The following UBXN2B variants were observed in gnomAD, a reference collection of about 807,000 sequenced individuals.
UBXN2B encodes the protein UBX domain protein 2B.
UBXN2B carries 19 observed loss-of-function variants against 37.5 expected under a neutral mutation model. That is an observed-to-expected ratio of 0.51 (90% confidence interval 0.35 to 0.74). The LOEUF (loss-of-function observed/expected upper bound fraction) is 0.74. UBXN2B is among the 30% of genes least tolerant of loss of function. The pLI is 0.01. For missense variants in UBXN2B, 370 were observed against 393.2 expected (o/e 0.94, Z 0.50); for synonymous variants, 145 against 143.8 (o/e 1.01, Z -0.06).
intron 1 of UBXN2B, among the ~76,000 whole-genome samples, chr8:58,416,005 C>G (rs530778734): frequency 1.2e-4 from 17 of 147,162 alleles, no homozygotes; most frequent in Admixed American, 9.4e-4. Flanking sequence ...GCATTTTAAT[C>G]TGTTTTGTTA....
At chr8:58,433,057 C>G in intron 3 of UBXN2B, 103 bp from the exon 4 acceptor site, 1 of 905,108 alleles carries the variant, frequency 1.1e-6, no homozygotes, top group South Asian at 1.9e-5. Flanking sequence ...GTATGAGCCA[C>G]TTTGGCTAAT....
chr8:58,415,560 C>G (rs1300190940), intron 1 of UBXN2B, among the ~76,000 whole-genome samples: 1 of 151,988 alleles, frequency 6.6e-6, no homozygotes, highest in Non-Finnish European at 1.5e-5. Flanking sequence ...AACACTGATA[C>G]AATCATTACT....
At chr8:58,427,621 T>C (rs552289306) in intron 2 of UBXN2B, among the ~76,000 whole-genome samples, 5 of 152,210 alleles carry the variant, frequency 3.3e-5, no homozygotes, top group Non-Finnish European at 7.4e-5. Context: ...ACTTAAATGT[T>C]TTAAATTTGG....
intron 5 of UBXN2B, 139 bp from the exon 6 acceptor site, chr8:58,439,493 AT>A: frequency 1.0e-6 from 1 of 992,784 alleles, no homozygotes; most frequent in Non-Finnish European, 1.4e-6. Context: ...CTGATCAGTC[AT>A]TATGGAAATT....
intron 2 of UBXN2B, chr8:58,426,759 T>A (rs557371707): frequency 7.3e-4 from 466 of 639,894 alleles, no homozygotes; most frequent in Non-Finnish European, 1.2e-3. Flanking sequence ...CACGTTGGGC[T>A]GGCCCGAGGG....
intron 6 of UBXN2B, among the ~76,000 whole-genome samples, chr8:58,443,895 G>A (rs985200804): frequency 1.3e-5 from 2 of 152,174 alleles, no homozygotes; most frequent in African/African-American, 4.8e-5. Flanking sequence ...CCAGCTATCT[G>A]TCTGTGTGGT....
At chr8:58,446,402 G>A (rs1808669978) in intron 7 of UBXN2B, among the ~76,000 whole-genome samples, 2 of 152,044 alleles carry the variant, frequency 1.3e-5, no homozygotes, top group African/African-American at 4.8e-5. Context: ...ACCTTTTGGG[G>A]ACTTTATTCA....
At chr8:58,420,696 A>C (rs1807903627) in intron 2 of UBXN2B, among the ~76,000 whole-genome samples, 1 of 152,232 alleles carries the variant, frequency 6.6e-6, no homozygotes, top group African/African-American at 2.4e-5. Flanking sequence ...GAGGCTTAGG[A>C]TGAAAACTTG....
rs140047668 is a variant in UBXN2B, at chr8:58,422,208, C to T, written c.188+5255C>T. On this transcript the variant is annotated intron_variant, in intron 2 of 7. Transcript: ENST00000399598. ...TAAGGGAATACCTTTAGGCCACACC[C>T]GTGTTCTGAAGCAATTCAAAGTTCA... 2.9e-3 allele frequency among the ~76,000 whole-genome samples: 443 copies of T among 152,286 alleles called. 1 individual carries two copies. Among genetic ancestry groups the T allele is most frequent in the African/African-American group, 9.5e-3 (396 of 41,548 alleles).
At position 58,450,016 on chromosome 8, in the gene UBXN2B, A is replaced by G. The variant is rs915294622; in HGVS notation, c.*2465A>G. The G allele has an allele frequency of 9.2e-5, 14 of 152,208 alleles. No individual in the cohort carries two copies. The highest frequency in any genetic ancestry group is 2.9e-4 in the African/African-American group (12 of 41,454). 9.4% of individuals were successfully genotyped at this position (152,208 alleles called of 1,614,324 possible). On this transcript the variant is annotated 3_prime_UTR_variant, in exon 8 of 8. Transcript: ENST00000399598. ...TTTTCTGAAATAGCTGAGAGGATCT[A>G]TGATTCACACCCTTAATATCTTCAA... is the stretch of plus-strand genomic sequence containing the variant.
chr8:58,449,513 G>GGACATAAT lies in UBXN2B; in HGVS notation c.*1963_*1970dup, dbSNP rs1055515976. 6.6e-6 allele frequency: 1 copy of GGACATAAT among 152,068 alleles called. No individual in the cohort carries two copies. Among genetic ancestry groups the GGACATAAT allele is most frequent in the Admixed American group, 6.6e-5 (1 of 15,266 alleles). 9.4% of individuals were successfully genotyped at this position (152,068 alleles called of 1,614,324 possible). On this transcript the variant is annotated 3_prime_UTR_variant, in exon 8 of 8. Transcript: ENST00000399598. ...GGAGAGGATCTGTGTGTGATTTCTGGGACATAATTCCAACTGTGCACTTGT... is the reference window on the plus strand; with the variant it reads ...GGAGAGGATCTGTGTGTGATTTCTGGGACATAATGACATAATTCCAACTGTGCACTTGT...
intron 1 of UBXN2B, 80 bp from the exon 2 acceptor site, chr8:58,416,770 G>A (rs1378302664): frequency 2.6e-6 from 3 of 1,161,594 alleles, no homozygotes; most frequent in East Asian, 5.4e-5. Flanking sequence ...TTTTAAGTTA[G>A]TGTTCTATAC....
intron 2 of UBXN2B, among the ~76,000 whole-genome samples, chr8:58,417,813 TTC>T (rs1446927922): frequency 2.6e-5 from 4 of 152,292 alleles, no homozygotes; most frequent in East Asian, 3.9e-4. Flanking sequence ...CACGCATGTA[TTC>T]TCTCTCTCTT....
rs772095076 is a variant in UBXN2B, at chr8:58,411,402, G to C, written c.17G>C (p.Gly6Ala). The C allele has an allele frequency of 4.9e-5, 62 of 1,268,834 alleles. No individual in the cohort carries two copies. The highest frequency in any genetic ancestry group is 5.9e-5 in the Non-Finnish European group (59 of 1,002,480). 78.6% of individuals were successfully genotyped at this position (1,268,834 alleles called of 1,614,324 possible). Reference protein sequence around the residue: MAEGGGPEPGEQERRS... With the variant: MAEGGAPEPGEQERRS... ...CAGCGGAAGATGGCGGAGGGCGGAGGCCCTGAGCCCGGCGAGCAGGAGAGG... is the reference window on the plus strand; with the variant it reads ...CAGCGGAAGATGGCGGAGGGCGGAGCCCCTGAGCCCGGCGAGCAGGAGAGG... The change falls in exon 1 of 8, where the codon GGC becomes GCC. Residue 6 changes from glycine to alanine, a missense_variant. Coordinates refer to ENST00000399598, the MANE Select transcript of UBXN2B (RefSeq NM_001077619.2).
intron 2 of UBXN2B, among the ~76,000 whole-genome samples, chr8:58,423,038 G>GT (rs1256786001): frequency 6.6e-6 from 1 of 152,080 alleles, no homozygotes; most frequent in Non-Finnish European, 1.5e-5. Flanking sequence ...GACTTGTTTA[G>GT]TAAGTAGAGG....
In UBXN2B at chr8:58,427,048, C is replaced by A. The variant is rs191253221; in HGVS notation, c.189-3471C>A. 1.7e-3 allele frequency among the ~76,000 whole-genome samples: 266 copies of A among 152,274 alleles called. 1 individual carries two copies. Among genetic ancestry groups the A allele is most frequent in the African/African-American group, 5.9e-3 (243 of 41,536 alleles). On this transcript the variant is annotated intron_variant, in intron 2 of 7. Transcript: ENST00000399598. Reference sequence around the variant, plus strand: ...ATCCCTTGATAAATGTTAGCTATTACTATTCATTTAGGAAAATAGGACTGG... The same window carrying A: ...ATCCCTTGATAAATGTTAGCTATTAATATTCATTTAGGAAAATAGGACTGG...
intron 2 of UBXN2B, chr8:58,426,546 C>T: frequency 4.0e-6 from 3 of 747,318 alleles, no homozygotes; most frequent in South Asian, 1.3e-5. Context: ...AGCTCCATTT[C>T]TTCTAACAAA....
intron 1 of UBXN2B, 84 bp from the exon 2 acceptor site, chr8:58,416,766 G>C (rs1807794031): frequency 1.8e-6 from 2 of 1,132,858 alleles, no homozygotes; most frequent in Admixed American, 2.8e-5. Context: ...TCAATTTTAA[G>C]TTAGTGTTCT....
chr8:58,430,565 C>A lies in UBXN2B; in HGVS notation c.235C>A (p.Pro79Thr). The A allele has an allele frequency of 6.2e-7, 1 of 1,605,368 alleles. No homozygotes were observed. Among genetic ancestry groups the A allele is most frequent in the Non-Finnish European group, 8.5e-7 (1 of 1,175,134 alleles). Residue 79 changes from proline (P) to threonine (T), a missense_variant, in exon 3 of 8, where the codon CCT (proline) becomes ACT (threonine). This residue lies in a region of UBXN2B where 197 missense variants were observed against 170.2 expected (regional missense o/e 1.16). Coordinates refer to ENST00000399598, the MANE Select transcript of UBXN2B (RefSeq NM_001077619.2). ...HEYSGLNIVR[P>T]STGKIVNELF... is the part of the protein sequence containing the mutation. The stretch of plus-strand genomic sequence containing the variant: ...ATACAGTGGATTAAATATAGTTCGA[C>A]CTTCAACTGGGAAAATTGTGAATGA...
Sources: allele counts gnomAD v4.1 joint callset (sites outside exome capture counted in the v4.1 genomes callset), GRCh38; gene constraint gnomAD v4.1.1; regional missense constraint gnomAD v4.1.1; transcripts MANE v1.5; gene names NCBI Gene and HGNC (gene_info 2026-07-23, HGNC 2026-07-21).